The following OR9Q1 variants were observed in gnomAD, a reference collection of about 807,000 sequenced individuals.
The protein encoded by OR9Q1 is olfactory receptor family 9 subfamily Q member 1, also known as olfactory receptor 9Q1.
For missense variants in OR9Q1, 374 were observed against 378.8 expected (o/e 0.99, Z 0.11); for synonymous variants, 153 against 148.6 (o/e 1.03, Z -0.22).
chr11:58,045,112 A>G (rs966541640), intron 1 of OR9Q1: 2 of 152,256 alleles, frequency 1.3e-5, no homozygotes, highest in African/African-American at 2.4e-5. Flanking sequence ...CCTATCCCCA[A>G]GATATTTCCT....
chr11:58,080,790 A>G (rs1853579873), intron 2 of OR9Q1, among the ~76,000 whole-genome samples: 1 of 152,056 alleles, frequency 6.6e-6, no homozygotes, highest in African/African-American at 2.4e-5. Flanking sequence ...GTATGTGTCC[A>G]TCTGAGAAAT....
At chr11:58,037,983 G>A (rs557974080) in intron 1 of OR9Q1, among the ~76,000 whole-genome samples, 194 of 146,462 alleles carry the variant, frequency 1.3e-3, no homozygotes, top group Non-Finnish European at 2.3e-3. Flanking sequence ...CGCCTGCCTC[G>A]GCCTCCCAAA....
At chr11:58,111,666 A>T (rs763772715) in intron 2 of OR9Q1, among the ~76,000 whole-genome samples, 9 of 152,150 alleles carry the variant, frequency 5.9e-5, no homozygotes, top group Admixed American at 5.9e-4. Flanking sequence ...GGGACCATAC[A>T]TGACACAAAA....
intron 2 of OR9Q1, among the ~76,000 whole-genome samples, chr11:58,149,497 T>G (rs564733767): frequency 4.7e-4 from 71 of 152,322 alleles, no homozygotes; most frequent in Middle Eastern, 3.4e-3. Flanking sequence ...TTTAACCATG[T>G]AAGTACACAG....
intron 1 of OR9Q1, chr11:58,031,239 T>C (rs371551398): frequency 1.9e-6 from 3 of 1,614,024 alleles, no homozygotes; most frequent in African/African-American, 2.7e-5. Context: ...GGCAAGAATA[T>C]CTCTTATGCT....
chr11:58,039,986 T>G (rs1183818268), intron 1 of OR9Q1, among the ~76,000 whole-genome samples: 1 of 152,234 alleles, frequency 6.6e-6, no homozygotes. Context: ...CCTAAATTTA[T>G]TAACACCTCA....
chr11:58,109,032 AT>A (rs749919636), intron 2 of OR9Q1: 57 of 455,178 alleles, frequency 1.3e-4, no homozygotes, highest in Admixed American at 1.2e-3. Context: ...TAACCATGAC[AT>A]TGGCTAGGAA....
intron 2 of OR9Q1, among the ~76,000 whole-genome samples, chr11:58,154,345 T>C (rs1245150780): frequency 6.6e-6 from 1 of 151,438 alleles, no homozygotes; most frequent in African/African-American, 2.4e-5. Flanking sequence ...TAAGATTAAG[T>C]GTTTTGGCTT....
chr11:58,087,805 A>T (rs1327083086), intron 2 of OR9Q1, among the ~76,000 whole-genome samples: 1 of 151,164 alleles, frequency 6.6e-6, no homozygotes, highest in Non-Finnish European at 1.5e-5. Context: ...TATGAGTGAG[A>T]ACACGTGTTG....
intron 2 of OR9Q1, among the ~76,000 whole-genome samples, chr11:58,109,951 G>C (rs933580871): frequency 2.0e-5 from 3 of 152,126 alleles, no homozygotes; most frequent in African/African-American, 7.2e-5. Context: ...CATCAAGACT[G>C]GAAGGGACCA....
intron 2 of OR9Q1, among the ~76,000 whole-genome samples, chr11:58,087,156 A>G (rs529465420): frequency 6.6e-6 from 1 of 151,866 alleles, no homozygotes; most frequent in South Asian, 2.1e-4. Flanking sequence ...AATAAAGACT[A>G]TCAGACAAGA....
chr11:58,145,800 A>G (rs950262633), intron 2 of OR9Q1, among the ~76,000 whole-genome samples: 1 of 152,048 alleles, frequency 6.6e-6, no homozygotes, highest in Non-Finnish European at 1.5e-5. Context: ...TATTAAGCTC[A>G]TTTTTGTGCC....
chr11:58,167,110 A>C (rs181206379), intron 2 of OR9Q1, among the ~76,000 whole-genome samples: 1 of 152,332 alleles, frequency 6.6e-6, no homozygotes, highest in East Asian at 1.9e-4. Context: ...TATAAGTGAG[A>C]ATATGCAGTA....
intron 2 of OR9Q1, among the ~76,000 whole-genome samples, chr11:58,099,832 C>A (rs2120083476): frequency 6.6e-6 from 1 of 151,974 alleles, no homozygotes; most frequent in East Asian, 1.9e-4. Flanking sequence ...TTTTTCCTTA[C>A]TATTTTGTTT....
intron 1 of OR9Q1, among the ~76,000 whole-genome samples, chr11:58,028,263 G>T (rs79941863): frequency 0.04 from 6,098 of 152,284 alleles, 124 homozygotes; most frequent in East Asian, 0.06. Context: ...TGGTTCCTAG[G>T]TCAGAGCAGG....
intron 1 of OR9Q1, among the ~76,000 whole-genome samples, chr11:58,048,433 C>A (rs1015612755): frequency 6.6e-6 from 1 of 150,768 alleles, no homozygotes; most frequent in African/African-American, 2.4e-5. Context: ...CTTTAGCAGG[C>A]CGAGATCAGG....
chr11:58,108,503 C>T (rs61902762), intron 2 of OR9Q1, among the ~76,000 whole-genome samples: 26,010 of 151,836 alleles, frequency 0.17, 2,357 homozygotes, highest in Non-Finnish European at 0.21. Flanking sequence ...AAGGAGAGAG[C>T]GGGGAAGAAA....
At chr11:58,054,463 A>T (rs950961553) in intron 1 of OR9Q1, among the ~76,000 whole-genome samples, 2 of 152,170 alleles carry the variant, frequency 1.3e-5, no homozygotes, top group African/African-American at 4.8e-5. Flanking sequence ...ACCAATACCA[A>T]TACCAATATT....
Position 58,119,503 on chromosome 11 carries a change from T to C in OR9Q1, c.-14-59928T>C, listed in dbSNP as rs142695475. ...AATGAAATAAAAAGAATCTCAGAAT[T>C]GAAGGACAGAATCTTTCCCTCTATG... On this transcript the variant is annotated intron_variant, in intron 2 of 2. Coordinates refer to ENST00000335397, the MANE Select transcript of OR9Q1 (RefSeq NM_001005212.4). The C allele has an allele frequency of 2.5e-4, 284 of 1,137,930 alleles. 1 individual carries two copies. The African/African-American group carries it at 4.1e-3, about 16-fold the overall frequency. The allele number at this position is 1,137,930 out of a possible 1,614,324, so 70.5% of individuals were successfully genotyped here. A position where few individuals can be genotyped will look rare whatever the true frequency, so the allele number is the denominator to read the frequency against.
Sources: gnomAD v4.1 joint callset for allele counts (sites outside exome capture counted in the v4.1 genomes callset) on GRCh38, gnomAD v4.1.1 for gene constraint, MANE v1.5 for transcripts, NCBI Gene and HGNC (gene_info 2026-07-23, HGNC 2026-07-21) for gene names.